PRELID2: variants seen among roughly 807,000 people sequenced by gnomAD.
PRELID2 encodes the protein PRELI domain-containing protein 2.
Under a neutral mutation model 28.4 loss-of-function variants are expected in PRELID2, and 25 were observed. The ratio of observed to expected loss-of-function variants is 0.88; its 90% CI spans 0.64 to 1.23. The LOEUF is 1.23. PRELID2 is among the 50% of genes most tolerant of loss of function. The pLI, the probability that PRELID2 is intolerant of heterozygous loss-of-function variation, is 0.00. For missense variants in PRELID2, 201 were observed against 214.4 expected (o/e 0.94, Z 0.39); for synonymous variants, 76 against 71.6 (o/e 1.06, Z -0.31).
chr5:145,321,535 C>T, the PRELID2 span, among the ~76,000 whole-genome samples: 1 of 152,304 alleles, frequency 6.6e-6, no homozygotes, highest in East Asian at 1.9e-4. Context: ...AACAGAGAGA[C>T]ATTTTGCTAC....
chr5:145,809,990 C>A (rs1753818402), intron 4 of PRELID2, among the ~76,000 whole-genome samples: 1 of 152,076 alleles, frequency 6.6e-6, no homozygotes, highest in African/African-American at 2.4e-5. Context: ...TAAATAAGAA[C>A]CAGAAACTCA....
rs539882150 is a variant in PRELID2 at position 145,832,983 on chromosome 5, G to A, written c.75+2194C>T. Among the ~76,000 whole-genome samples, 5 of 148,510 alleles carry A rather than the reference G, an allele frequency of 3.4e-5. No individual in the cohort carries two copies. In the East Asian group the frequency reaches 9.8e-4, roughly 29 times the overall value. On this transcript the variant is annotated intron_variant, in intron 1 of 6. Coordinates refer to ENST00000683046, the MANE Select transcript of PRELID2 (RefSeq NM_205846.3). ...AGTACACATCATCAATTTGAATTTT[G>A]TGTTCATTTGCGCATCATTTATTTA...
At chr5:145,631,756 G>A (rs939550098) in intron 1 of PRELID2, among the ~76,000 whole-genome samples, 6 of 152,038 alleles carry the variant, frequency 3.9e-5, no homozygotes, top group African/African-American at 1.2e-4. Context: ...TCTTCCAAAT[G>A]TTCATTTAAA....
At chr5:145,596,388 C>G (rs147939256) in intron 1 of PRELID2, among the ~76,000 whole-genome samples, 1 of 152,128 alleles carries the variant, frequency 6.6e-6, no homozygotes, top group Non-Finnish European at 1.5e-5. Context: ...TGGCATTTAT[C>G]CTGGAAATGA....
chr5:145,489,182 T>C (rs1487237558), intron 1 of PRELID2, among the ~76,000 whole-genome samples: 2 of 152,198 alleles, frequency 1.3e-5, no homozygotes, highest in African/African-American at 4.8e-5. Context: ...ATGTATACCA[T>C]GAATATCCTT....
At chr5:145,796,654 A>C in intron 4 of PRELID2, 107 bp from the exon 5 acceptor site, 1 of 538,920 alleles carries the variant, frequency 1.9e-6, no homozygotes, top group Non-Finnish European at 3.1e-6. Flanking sequence ...ATAAAAAATA[A>C]TATCCTTAAT....
chr5:145,379,890 C>T, the PRELID2 span, among the ~76,000 whole-genome samples: 1 of 152,052 alleles, frequency 6.6e-6, no homozygotes, highest in Non-Finnish European at 1.5e-5. Context: ...GGCTAGATCC[C>T]CAGGAGAGAC....
At chr5:145,664,628 C>T (rs915826088) in intron 1 of PRELID2, among the ~76,000 whole-genome samples, 2 of 152,094 alleles carry the variant, frequency 1.3e-5, no homozygotes, top group Non-Finnish European at 2.9e-5. Context: ...GAATGCACCC[C>T]GTCCCCCACT....
At chr5:145,652,160 G>T (rs538053236) in intron 1 of PRELID2, among the ~76,000 whole-genome samples, 1 of 152,262 alleles carries the variant, frequency 6.6e-6, no homozygotes, top group South Asian at 2.1e-4. Context: ...ATCAGGGATT[G>T]AAGATCAAAT....
chr5:145,322,678 T>C, the PRELID2 span, among the ~76,000 whole-genome samples: 1 of 152,194 alleles, frequency 6.6e-6, no homozygotes, highest in Admixed American at 6.5e-5. Context: ...GGGAATATAA[T>C]AGAGATAAAC....
chr5:145,519,842 C>A (rs1752548616), intron 1 of PRELID2, among the ~76,000 whole-genome samples: 1 of 152,142 alleles, frequency 6.6e-6, no homozygotes, highest in Non-Finnish European at 1.5e-5. Context: ...ACGGGAGGTG[C>A]TAGGTTAGCC....
intron 1 of PRELID2, among the ~76,000 whole-genome samples, chr5:145,678,372 G>C (rs1031104263): frequency 6.6e-6 from 1 of 152,124 alleles, no homozygotes; most frequent in Non-Finnish European, 1.5e-5. Context: ...GAAATGCTTC[G>C]TACTTCTCTT....
chr5:145,321,787 G>A, the PRELID2 span, among the ~76,000 whole-genome samples: 3 of 152,222 alleles, frequency 2.0e-5, no homozygotes, highest in East Asian at 1.9e-4. Context: ...AAGTTCTCTC[G>A]ATGGCATGTG....
At chr5:145,425,070 G>GAA in the PRELID2 span, among the ~76,000 whole-genome samples, 4,099 of 150,010 alleles carry the variant, frequency 0.027, 140 homozygotes, top group African/African-American at 0.083. Flanking sequence ...CAATGTACAA[G>GAA]AAAAAAAAAC....
chr5:145,448,048 C>G, the PRELID2 span, among the ~76,000 whole-genome samples: 2 of 152,098 alleles, frequency 1.3e-5, no homozygotes, highest in Admixed American at 6.6e-5. Context: ...AATCACCACA[C>G]TGACTTCCAC....
At chr5:145,752,086 A>G (rs1327855026), downstream of PRELID2, among the ~76,000 whole-genome samples, 1 of 152,196 alleles carries the variant, frequency 6.6e-6, no homozygotes. Context: ...TGAGAATTGC[A>G]TGCAATACCC....
the PRELID2 span, among the ~76,000 whole-genome samples, chr5:145,259,526 A>G: frequency 6.6e-6 from 1 of 152,232 alleles, no homozygotes; most frequent in Admixed American, 6.5e-5. Flanking sequence ...TTGGCGCTTT[A>G]AGATTTAATG....
chr5:145,238,869 C>T, the PRELID2 span, among the ~76,000 whole-genome samples: 3 of 152,054 alleles, frequency 2.0e-5, no homozygotes, highest in Non-Finnish European at 4.4e-5. Context: ...TTATCTGAAT[C>T]ATCAATTATC....
At chr5:145,418,417 T>C in the PRELID2 span, among the ~76,000 whole-genome samples, 10 of 152,176 alleles carry the variant, frequency 6.6e-5, no homozygotes, top group East Asian at 1.5e-3. Context: ...AACCAAAAAA[T>C]AGCCCAGATA....
Sources: allele counts gnomAD v4.1 joint callset (sites outside exome capture counted in the v4.1 genomes callset), GRCh38; gene constraint gnomAD v4.1.1; transcripts MANE v1.5; gene names NCBI Gene and HGNC (gene_info 2026-07-23, HGNC 2026-07-21).